The following REDIC1 variants were observed in gnomAD, a reference collection of about 807,000 sequenced individuals.
REDIC1 encodes regulator of DNA class I crossover intermediates 1.
the REDIC1 span, among the ~76,000 whole-genome samples, chr12:39,806,419 C>T: frequency 6.6e-6 from 1 of 152,178 alleles, no homozygotes; most frequent in African/African-American, 2.4e-5. Context: ...GTCCCCTGAA[C>T]AAGGCACTTT....
At chr12:39,890,790 T>C in the REDIC1 span, among the ~76,000 whole-genome samples, 2 of 152,212 alleles carry the variant, frequency 1.3e-5, no homozygotes, top group Non-Finnish European at 2.9e-5. Context: ...TGGGACTGAT[T>C]AAACAAATTA....
chr12:39,781,148 T>C, the REDIC1 span, among the ~76,000 whole-genome samples: 142 of 152,338 alleles, frequency 9.3e-4, 3 homozygotes, highest in East Asian at 0.026. Context: ...CCTTACTGAT[T>C]ATCAGCAATG....
chr12:39,705,485 C>G, the REDIC1 span, among the ~76,000 whole-genome samples: 1 of 151,990 alleles, frequency 6.6e-6, no homozygotes, highest in Non-Finnish European at 1.5e-5. Context: ...TAACCTGATA[C>G]CAAAACCAGA....
chr12:39,783,642 T>C, the REDIC1 span, among the ~76,000 whole-genome samples: 2 of 152,210 alleles, frequency 1.3e-5, no homozygotes, highest in African/African-American at 2.4e-5. Flanking sequence ...CATTTTTTCA[T>C]TGTCTGTTGG....
the REDIC1 span, among the ~76,000 whole-genome samples, chr12:39,733,453 T>C: frequency 6.6e-6 from 1 of 152,292 alleles, no homozygotes; most frequent in Non-Finnish European, 1.5e-5. Flanking sequence ...GTTTGTTTTT[T>C]TCCTGTCAAA....
At chr12:39,806,674 C>T in the REDIC1 span, among the ~76,000 whole-genome samples, 4 of 152,118 alleles carry the variant, frequency 2.6e-5, no homozygotes, top group Admixed American at 2.6e-4. Flanking sequence ...ATATTTTAGA[C>T]AGTATACAGA....
the REDIC1 span, chr12:39,760,171 T>A: frequency 6.2e-7 from 1 of 1,612,938 alleles, no homozygotes; most frequent in Non-Finnish European, 8.5e-7. Context: ...TTCCTCTAAT[T>A]TTTTGCCTTT....
the REDIC1 span, among the ~76,000 whole-genome samples, chr12:39,793,423 G>A: frequency 6.6e-6 from 1 of 152,094 alleles, no homozygotes; most frequent in Non-Finnish European, 1.5e-5. Context: ...GTCAATGTAA[G>A]TCCAATAAAA....
the REDIC1 span, among the ~76,000 whole-genome samples, chr12:39,816,931 C>T: frequency 1.1e-3 from 167 of 152,250 alleles, 2 homozygotes; most frequent in African/African-American, 3.7e-3. Flanking sequence ...ATCCTATACA[C>T]TGGGTATGCT....
chr12:39,895,520 A>G, the REDIC1 span, among the ~76,000 whole-genome samples: 1 of 1,740 alleles, frequency 5.7e-4, no homozygotes, highest in Non-Finnish European at 1.6e-3. Context: ...AAAATTATAT[A>G]TATATATATA....
At chr12:39,883,539 T>A in the REDIC1 span, among the ~76,000 whole-genome samples, 1 of 152,108 alleles carries the variant, frequency 6.6e-6, no homozygotes, top group African/African-American at 2.4e-5. Context: ...TTATTTAAAA[T>A]TTTTCTCAGG....
At chr12:39,842,955 A>G in the REDIC1 span, among the ~76,000 whole-genome samples, 29 of 152,050 alleles carry the variant, frequency 1.9e-4, no homozygotes, top group African/African-American at 6.5e-4. Context: ...CATGTTTTTT[A>G]CAGTTATACA....
chr12:39,664,954 T>A, the REDIC1 span, among the ~76,000 whole-genome samples: 1 of 152,232 alleles, frequency 6.6e-6, no homozygotes, highest in Non-Finnish European at 1.5e-5. Flanking sequence ...TGGAGTTCAT[T>A]GTAGATTCTG....
the REDIC1 span, among the ~76,000 whole-genome samples, chr12:39,731,688 G>T: frequency 1.3e-5 from 2 of 152,168 alleles, no homozygotes; most frequent in Non-Finnish European, 2.9e-5. Flanking sequence ...TGTGCTGGGG[G>T]ATTTGTTGCT....
the REDIC1 span, among the ~76,000 whole-genome samples, chr12:39,847,576 A>G: frequency 4.6e-5 from 7 of 152,058 alleles, no homozygotes; most frequent in Non-Finnish European, 1.0e-4. Context: ...ACCCTGGCCC[A>G]TGTGGTGAAC....
the REDIC1 span, among the ~76,000 whole-genome samples, chr12:39,904,514 C>T: frequency 1.3e-5 from 2 of 152,196 alleles, no homozygotes; most frequent in African/African-American, 2.4e-5. Context: ...TACTTCAAGA[C>T]CTTAACTTAG....
the REDIC1 span, chr12:39,684,159 C>T: frequency 2.0e-6 from 2 of 1,020,778 alleles, no homozygotes; most frequent in Non-Finnish European, 2.4e-6. Context: ...GTGATTTTTA[C>T]ACTCATCCAT....
At chr12:39,705,169 TG>T in the REDIC1 span, among the ~76,000 whole-genome samples, 1 of 152,062 alleles carries the variant, frequency 6.6e-6, no homozygotes, top group Admixed American at 6.5e-5. Context: ...GGATCATTCG[TG>T]GGTGCTATGA....
At chr12:39,776,337 A>G in the REDIC1 span, among the ~76,000 whole-genome samples, 1 of 152,124 alleles carries the variant, frequency 6.6e-6, no homozygotes, top group Admixed American at 6.5e-5. Flanking sequence ...CCCCCTCGCC[A>G]CCAAGCACAA....
Sources: gnomAD v4.1 joint callset for allele counts (sites outside exome capture counted in the v4.1 genomes callset) on GRCh38, gnomAD v4.1.1 for gene constraint, MANE v1.5 for transcripts, NCBI Gene and HGNC (gene_info 2026-07-23, HGNC 2026-07-21) for gene names.